Variants in STX8 observed in about 807,000 individuals in gnomAD.
STX8 encodes syntaxin-8.
A neutral mutation model predicts 37.5 loss-of-function variants in STX8; 23 were observed. The ratio of observed to expected loss-of-function variants is 0.61; its 90% CI spans 0.44 to 0.87. STX8 has a LOEUF of 0.87. STX8 is among the 40% of genes least tolerant of loss of function. The pLI is 0.00. For missense variants in STX8, 313 were observed against 284.7 expected (o/e 1.10, Z -0.71); for synonymous variants, 115 against 99.1 (o/e 1.16, Z -0.95).
chr17:9,303,599 A>G (rs1256112538), intron 7 of STX8, among the ~76,000 whole-genome samples: 1 of 152,228 alleles, frequency 6.6e-6, no homozygotes, highest in African/African-American at 2.4e-5. Flanking sequence ...AATATAAGAA[A>G]TGTTGCATAT....
At chr17:9,397,807 A>C (rs1336867586) in intron 6 of STX8, among the ~76,000 whole-genome samples, 1 of 151,956 alleles carries the variant, frequency 6.6e-6, no homozygotes. Context: ...CCCCGTTTCT[A>C]CTAAAGGTAC....
At chr17:9,506,127 G>A (rs915341501) in intron 4 of STX8, among the ~76,000 whole-genome samples, 4 of 151,866 alleles carry the variant, frequency 2.6e-5, no homozygotes, top group African/African-American at 7.3e-5. Flanking sequence ...AGTTGGTCTC[G>A]CTGTCTAAGG....
Position 9,414,941 on chromosome 17 carries a change from C to T in STX8, c.542-36288G>A, listed in dbSNP as rs563879324. On this transcript the variant is annotated intron_variant, in intron 6 of 7. Transcript: ENST00000306357. ...GAGTAGCTGGGATTACAGGCACCCG[C>T]CACCATGCCCAGCTAATTTTTGTAT... 2.2e-4 allele frequency among the ~76,000 whole-genome samples: 34 copies of T among 152,170 alleles called. No individual in the cohort carries two copies. In the South Asian group the frequency reaches 6.9e-3, roughly 31 times the overall value.
chr17:9,491,812 C>T lies in STX8; in HGVS notation c.541+17G>A, dbSNP rs1906863281. The T allele has an allele frequency of 1.2e-6, 2 of 1,603,904 alleles. No individual in the cohort carries two copies. Among genetic ancestry groups the T allele is most frequent in the Admixed American group, 1.7e-5 (1 of 58,982 alleles). Reference sequence around the variant, plus strand: ...TATGTCAACGGCAAATCTGGTCAATCCCAGACTTATTCTTACCATTTTGTT... The same window carrying T: ...TATGTCAACGGCAAATCTGGTCAATTCCAGACTTATTCTTACCATTTTGTT... On this transcript the variant is annotated intron_variant, in intron 6 of 7. Coordinates refer to ENST00000306357, the MANE Select transcript of STX8 (RefSeq NM_004853.3).
chr17:9,534,519 G>C (rs2142547487), intron 4 of STX8, among the ~76,000 whole-genome samples: 1 of 152,274 alleles, frequency 6.6e-6, no homozygotes, highest in South Asian at 2.1e-4. Context: ...GGCCAGGCGT[G>C]GTGGCTCACA....
chr17:9,452,382 T>C (rs1905070120), intron 6 of STX8: 1 of 149,662 alleles, frequency 6.7e-6, no homozygotes, highest in Non-Finnish European at 1.5e-5. Flanking sequence ...AAAAAAAAAA[T>C]CTTTGCTCAA....
intron 5 of STX8, among the ~76,000 whole-genome samples, chr17:9,494,444 C>G (rs981488943): frequency 3.3e-5 from 5 of 151,342 alleles, no homozygotes; most frequent in African/African-American, 1.2e-4. Flanking sequence ...GACTGGGCAA[C>G]ACTGTCTGTC....
At chr17:9,574,143 C>A (rs1452666335) in intron 1 of STX8, among the ~76,000 whole-genome samples, 4 of 151,582 alleles carry the variant, frequency 2.6e-5, no homozygotes, top group Admixed American at 6.6e-5. Flanking sequence ...TGGCTGCGTG[C>A]GCCTGTAGTC....
intron 7 of STX8, among the ~76,000 whole-genome samples, chr17:9,326,303 G>A (rs567839319): frequency 6.6e-6 from 1 of 151,950 alleles, no homozygotes; most frequent in African/African-American, 2.4e-5. Context: ...GATAATTTTT[G>A]TAGAGACAGG....
chr17:9,320,201 C>T (rs1480961850), intron 7 of STX8, among the ~76,000 whole-genome samples: 2 of 151,628 alleles, frequency 1.3e-5, no homozygotes, highest in Non-Finnish European at 2.9e-5. Context: ...GGCATGGTGG[C>T]ACGCACCTGT....
At chr17:9,365,694 C>T (rs990021429) in intron 7 of STX8, among the ~76,000 whole-genome samples, 6 of 152,242 alleles carry the variant, frequency 3.9e-5, no homozygotes, top group African/African-American at 1.2e-4. Flanking sequence ...GACAGGGGGG[C>T]CACGTGAGGT....
At chr17:9,513,094 C>A (rs183494355) in intron 4 of STX8, among the ~76,000 whole-genome samples, 1 of 152,182 alleles carries the variant, frequency 6.6e-6, no homozygotes, top group Admixed American at 6.5e-5. Context: ...AAAAGACAAT[C>A]TATAGGAGAA....
chr17:9,377,880 G>C (rs547253084), intron 7 of STX8: 1 of 152,122 alleles, frequency 6.6e-6, no homozygotes, highest in Non-Finnish European at 1.5e-5. Context: ...TTATCATCAC[G>C]TACCTTTGGG....
chr17:9,448,956 T>A (rs1048479744), intron 6 of STX8, among the ~76,000 whole-genome samples: 5 of 152,154 alleles, frequency 3.3e-5, no homozygotes, highest in African/African-American at 1.2e-4. Context: ...CAATCTTTTT[T>A]AAAAAGATAC....
intron 7 of STX8, among the ~76,000 whole-genome samples, chr17:9,343,652 C>T (rs919791791): frequency 6.6e-6 from 1 of 152,074 alleles, no homozygotes; most frequent in Non-Finnish European, 1.5e-5. Flanking sequence ...GTCAAACCTG[C>T]GATGGGGAAA....
At chr17:9,508,149 T>C (rs1296439187) in intron 4 of STX8, among the ~76,000 whole-genome samples, 2 of 151,874 alleles carry the variant, frequency 1.3e-5, no homozygotes, top group African/African-American at 2.4e-5. Context: ...TACAAGATAA[T>C]AGAGCTAGAC....
intron 7 of STX8, among the ~76,000 whole-genome samples, chr17:9,329,085 ATGG>A (rs1909878948): frequency 7.3e-6 from 1 of 137,360 alleles, no homozygotes; most frequent in Non-Finnish European, 1.6e-5. Flanking sequence ...AAAAAAAAAG[ATGG>A]TGTCTGAGTC....
intron 4 of STX8, among the ~76,000 whole-genome samples, chr17:9,518,096 T>C (rs1401174049): frequency 6.6e-6 from 1 of 151,528 alleles, no homozygotes; most frequent in Non-Finnish European, 1.5e-5. Context: ...CTACTAGTTC[T>C]TCTCCATCCT....
At chr17:9,413,124 G>C (rs140783904) in intron 6 of STX8, among the ~76,000 whole-genome samples, 69 of 152,308 alleles carry the variant, frequency 4.5e-4, no homozygotes, top group Non-Finnish European at 8.1e-4. Flanking sequence ...AGGAGGCTGT[G>C]CAATAGCACT....
Sources: gnomAD v4.1 joint callset for allele counts (sites outside exome capture counted in the v4.1 genomes callset) on GRCh38, gnomAD v4.1.1 for gene constraint, MANE v1.5 for transcripts, NCBI Gene and HGNC (gene_info 2026-07-23, HGNC 2026-07-21) for gene names.